The following NINL variants were observed in gnomAD, a reference collection of about 807,000 sequenced individuals.
NINL encodes ninein like.
A neutral mutation model predicts 160.3 loss-of-function variants in NINL; 153 were observed. The observed-to-expected ratio is 0.95, with a 90% CI of 0.84 to 1.09. NINL has a LOEUF of 1.09. NINL is among the 50% of genes least tolerant of loss of function. The pLI is 0.00. For synonymous variants in NINL, 800 were observed against 734.8 expected (o/e 1.09, Z -1.43); for missense variants, 1,829 against 1,764.0 (o/e 1.04, Z -0.66).
In NINL at chr20:25,458,491, G is replaced by A. The variant is rs764425934; in HGVS notation, c.3735C>T (p.Ala1245=). Residue 1245 remains alanine (A), a synonymous_variant, in exon 22 of 24, where the codon GCC becomes GCT. Transcript: ENST00000278886. ...CCAGCCGGACCTCCTGCAAGTGCTG[G>A]GCCTGGGCCTGCCTCAGCCTCAGGT... ...GAHLRLRQAQ[A]QHLQEVRLVP... 3.1e-6 allele frequency: 5 copies of A among 1,601,214 alleles called. No homozygotes were observed. The highest frequency in any genetic ancestry group is 1.3e-5 in the African/African-American group (1 of 74,874).
Position 25,453,146 on chromosome 20 carries a change from AC to A in NINL, c.*304del. Reference sequence around the variant, plus strand: ...AAGTGCTGTCCATAACTGCTCACTTACCTGCTCCTTGCTGACAGCTCCCAGG... The same window carrying A: ...AAGTGCTGTCCATAACTGCTCACTTACTGCTCCTTGCTGACAGCTCCCAGG... On this transcript the variant is annotated 3_prime_UTR_variant, in exon 24 of 24. Transcript: ENST00000278886. 3.6e-6 allele frequency: 1 copy of A among 278,160 alleles called. No homozygotes were observed. Among genetic ancestry groups the A allele is most frequent in the Non-Finnish European group, 6.7e-6 (1 of 149,140 alleles). The allele number at this position is 278,160 out of a possible 1,614,324, so 17.2% of individuals were successfully genotyped here.
At chr20:25,464,170 G>A (rs746736507) in intron 19 of NINL, among the ~76,000 whole-genome samples, 4 of 151,988 alleles carry the variant, frequency 2.6e-5, no homozygotes, top group African/African-American at 4.8e-5. Flanking sequence ...TAATACCAGT[G>A]CTTTGGGAGG....
chr20:25,471,644 C>T (rs1181408081), intron 17 of NINL, among the ~76,000 whole-genome samples: 1 of 152,236 alleles, frequency 6.6e-6, no homozygotes, highest in African/African-American at 2.4e-5. Flanking sequence ...AACGCGTGAG[C>T]ACTATGCAAC....
At chr20:25,570,693 A>AATTTTTTTTTTTTTT (rs1423732606) in intron 1 of NINL, among the ~76,000 whole-genome samples, 1 of 74,102 alleles carries the variant, frequency 1.3e-5, no homozygotes. Flanking sequence ...GGGCAAGTAG[A>AATTTTTTTTTTTTTT]CTTTTTTTTT....
At chr20:25,549,364 G>A (rs184991030) in intron 1 of NINL, among the ~76,000 whole-genome samples, 27 of 138,438 alleles carry the variant, frequency 2.0e-4, no homozygotes, top group East Asian at 9.2e-4. Context: ...GGCTGACCCC[G>A]GCACCCATGG....
Position 25,552,985 on chromosome 20 carries a change from G to A in NINL, c.-11-26387C>T, listed in dbSNP as rs1945331784. Among the ~76,000 whole-genome samples, 4 of 152,290 alleles carry A rather than the reference G, an allele frequency of 2.6e-5. No homozygotes were observed. The South Asian group carries it at 8.3e-4, about 32-fold the overall frequency. On this transcript the variant is annotated intron_variant, in intron 1 of 23. Coordinates refer to ENST00000278886, the MANE Select transcript of NINL (RefSeq NM_025176.6). Reference sequence around the variant, plus strand: ...GGTGCAGGTGAGGCACTCATGGAGTGGGGGTCTCAGCTCACCTTTTGCTTC... The same window carrying A: ...GGTGCAGGTGAGGCACTCATGGAGTAGGGGTCTCAGCTCACCTTTTGCTTC...
At chr20:25,584,986 G>A (rs1377019779) in intron 1 of NINL, among the ~76,000 whole-genome samples, 2 of 152,242 alleles carry the variant, frequency 1.3e-5, no homozygotes, top group Non-Finnish European at 2.9e-5. Flanking sequence ...CTCCGTGGGG[G>A]GCCGCAGCCA....
chr20:25,484,008 T>G (rs1358668623), intron 13 of NINL, among the ~76,000 whole-genome samples: 2 of 152,130 alleles, frequency 1.3e-5, no homozygotes, highest in Non-Finnish European at 2.9e-5. Context: ...ACATTTGCTC[T>G]GGGGCAGCTG....
intron 1 of NINL, among the ~76,000 whole-genome samples, chr20:25,532,344 G>A (rs528302699): frequency 2.6e-5 from 4 of 152,334 alleles, no homozygotes; most frequent in African/African-American, 7.2e-5. Context: ...GTATGACTAC[G>A]AATAAAGCAT....
At chr20:25,506,669 G>A (rs2063967856) in intron 5 of NINL, among the ~76,000 whole-genome samples, 1 of 152,200 alleles carries the variant, frequency 6.6e-6, no homozygotes, top group South Asian at 2.1e-4. Context: ...AGACTAATGT[G>A]TTCAATGTCT....
chr20:25,516,664 A>C (rs2064165111), intron 3 of NINL, among the ~76,000 whole-genome samples: 1 of 152,134 alleles, frequency 6.6e-6, no homozygotes, highest in South Asian at 2.1e-4. Flanking sequence ...GCCCTTTCAC[A>C]TCTTAAAGAA....
intron 13 of NINL, among the ~76,000 whole-genome samples, chr20:25,487,499 T>TTG (rs2146643815): frequency 6.6e-6 from 1 of 152,328 alleles, no homozygotes; most frequent in East Asian, 1.9e-4. Context: ...TGCTGACAGC[T>TTG]TGGCTGGGTT....
chr20:25,475,076 C>A (rs1190415506), intron 17 of NINL, among the ~76,000 whole-genome samples: 1 of 151,910 alleles, frequency 6.6e-6, no homozygotes, highest in Non-Finnish European at 1.5e-5. Context: ...AACCACCGTG[C>A]CCTAGTTGTT....
At chr20:25,454,006 C>T (rs576320964) in intron 23 of NINL, among the ~76,000 whole-genome samples, 3 of 152,004 alleles carry the variant, frequency 2.0e-5, no homozygotes, top group East Asian at 1.9e-4. Flanking sequence ...GAGCAGAGAT[C>T]GCACCACTGC....
intron 1 of NINL, among the ~76,000 whole-genome samples, chr20:25,528,324 T>C (rs2064393425): frequency 6.6e-6 from 1 of 152,214 alleles, no homozygotes; most frequent in African/African-American, 2.4e-5. Context: ...TGTAAGCCAC[T>C]GCACCCAGCC....
chr20:25,495,098 C>T (rs1019812686), intron 10 of NINL, among the ~76,000 whole-genome samples: 1 of 152,160 alleles, frequency 6.6e-6, no homozygotes, highest in Non-Finnish European at 1.5e-5. Context: ...AGGAGACACA[C>T]CACAGCTGTC....
At chr20:25,512,112 C>T (rs748213145) in intron 4 of NINL, among the ~76,000 whole-genome samples, 3 of 152,194 alleles carry the variant, frequency 2.0e-5, no homozygotes, top group Non-Finnish European at 4.4e-5. Flanking sequence ...TGGGTGATCC[C>T]TGCATCCCAG....
At chr20:25,572,568 G>A (rs2065066098) in intron 1 of NINL, among the ~76,000 whole-genome samples, 1 of 152,160 alleles carries the variant, frequency 6.6e-6, no homozygotes, top group Non-Finnish European at 1.5e-5. Flanking sequence ...CACAGAAGAG[G>A]CTAAGCAATT....
chr20:25,561,728 C>T (rs2064941088), intron 1 of NINL, among the ~76,000 whole-genome samples: 1 of 151,216 alleles, frequency 6.6e-6, no homozygotes, highest in Non-Finnish European at 1.5e-5. Flanking sequence ...GGCCGCGACC[C>T]CGTCTGGGAG....
Sources: allele counts gnomAD v4.1 joint callset (sites outside exome capture counted in the v4.1 genomes callset), GRCh38; gene constraint gnomAD v4.1.1; transcripts MANE v1.5; gene names NCBI Gene and HGNC (gene_info 2026-07-23, HGNC 2026-07-21).